The following KCNA3 variants were observed in gnomAD, a reference collection of about 807,000 sequenced individuals.
The protein encoded by KCNA3 is RP11-284N8.3.
In KCNA3, 18 loss-of-function variants were observed where a neutral mutation model predicts 34.3. The observed-to-expected ratio is 0.52, with a 90% CI of 0.36 to 0.78. KCNA3 has a LOEUF of 0.78. Among genes scored for constraint, KCNA3 ranks in the 30% least tolerant of loss-of-function variants. The pLI is 0.00. For missense variants in KCNA3, 587 were observed against 802.5 expected (o/e 0.73, Z 3.24); for synonymous variants, 324 against 351.7 (o/e 0.92, Z 0.88).
chr1:110,672,995 C>G lies in KCNA3; in HGVS notation c.*87G>C, dbSNP rs1651942227. The G allele has an allele frequency of 7.7e-7, 1 of 1,291,406 alleles. No individual in the cohort carries two copies. The highest frequency in any genetic ancestry group is 1.4e-5 in the South Asian group (1 of 70,552). 80.0% of individuals were successfully genotyped at this position (1,291,406 alleles called of 1,614,324 possible). Reference sequence around the variant, plus strand: ...TCAGGTCCTTTCCTTGATGAATGGTCTGGAAATGTATAAAACAAGGGCATA... The same window carrying G: ...TCAGGTCCTTTCCTTGATGAATGGTGTGGAAATGTATAAAACAAGGGCATA... On this transcript the variant is annotated 3_prime_UTR_variant, in exon 1 of 1. Coordinates refer to ENST00000369769, the MANE Select transcript of KCNA3 (RefSeq NM_002232.5).
the KCNA3 span, among the ~76,000 whole-genome samples, chr1:110,658,397 A>G: frequency 6.6e-6 from 1 of 152,200 alleles, no homozygotes; most frequent in Admixed American, 6.5e-5. Context: ...TTGTTCAGGT[A>G]TATTTTGAAA....
the KCNA3 span, among the ~76,000 whole-genome samples, chr1:110,665,998 G>A: frequency 6.6e-6 from 1 of 152,030 alleles, no homozygotes; most frequent in Non-Finnish European, 1.5e-5. Flanking sequence ...GTGAACAAAG[G>A]GAGAGATAGT....
At chr1:110,666,728 T>G in the KCNA3 span, among the ~76,000 whole-genome samples, 1 of 152,174 alleles carries the variant, frequency 6.6e-6, no homozygotes, top group Non-Finnish European at 1.5e-5. Context: ...GATGACAGTG[T>G]GGATTACAGT....
At position 110,674,485 on chromosome 1, in the gene KCNA3, T is replaced by G. The variant is rs1652007596; in HGVS notation, c.325A>C (p.Asn109His). The G allele has an allele frequency of 5.6e-6, 9 of 1,613,708 alleles. No homozygotes were observed. Among genetic ancestry groups the G allele is most frequent in the Non-Finnish European group, 7.6e-6 (9 of 1,179,900 alleles). Residue 109 changes from asparagine to histidine, a missense_variant, in exon 1 of 1, where the codon AAC (asparagine) becomes CAC (histidine). By Grantham distance (68) the Asn-to-His change is moderately conservative. Around this residue, in one of 7 missense-constraint regions of KCNA3, gnomAD observed 341 missense variants for 355.4 expected, o/e 0.96. Coordinates refer to ENST00000369769, the MANE Select transcript of KCNA3 (RefSeq NM_002232.5). This position sits in a 1 kb window ranked among gnomAD's most constrained non-coding sequence, Gnocchi z 6.4. Reference sequence around the variant, plus strand: ...GTCTCGAAGCGCAGCCCGGAGATGTTGATGACCACGCGCTCCCCGCAGCAG... The same window carrying G: ...GTCTCGAAGCGCAGCCCGGAGATGTGGATGACCACGCGCTCCCCGCAGCAG... ...QDCCGERVVI[N>H]ISGLRFETQL...
In KCNA3 at chr1:110,673,239, A is replaced by T. The variant is rs763013710; in HGVS notation, c.1571T>A (p.Leu524Gln). 3 of 1,614,134 alleles carry T rather than the reference A, an allele frequency of 1.9e-6. No homozygotes were observed. In the South Asian group the frequency reaches 3.3e-5, roughly 18 times the overall value. Residue 524 changes from leucine to glutamine, a missense_variant, in exon 1 of 1, where the codon CTG becomes CAG. Physicochemically the swap from Leu to Gln is moderately radical, Grantham distance 113 (BLOSUM62 -2). Around this residue, in one of 7 missense-constraint regions of KCNA3, gnomAD observed 95 missense variants for 107.3 expected, o/e 0.89. Coordinates refer to ENST00000369769, the MANE Select transcript of KCNA3 (RefSeq NM_002232.5). This position sits in a 1 kb window ranked among gnomAD's most constrained non-coding sequence, Gnocchi z 8.8. ...GATCACCATATACTCCGACTTACTC[A>T]GAGTCGAGTTACTCCTTGCTTTTCG... ...ELRKARSNST[L>Q]SKSEYMVIEE...
At chr1:110,665,434 C>A in the KCNA3 span, among the ~76,000 whole-genome samples, 1 of 152,116 alleles carries the variant, frequency 6.6e-6, no homozygotes, top group Non-Finnish European at 1.5e-5. Context: ...TTACTTTGAG[C>A]AACTGGAAAA....
downstream of KCNA3, among the ~76,000 whole-genome samples, chr1:110,671,661 T>A (rs1211738170): frequency 6.6e-6 from 1 of 152,124 alleles, no homozygotes; most frequent in African/African-American, 2.4e-5. Context: ...ATGACAGAGC[T>A]GTTGTGGGAT....
At chr1:110,670,760 C>A (rs544184642), downstream of KCNA3, among the ~76,000 whole-genome samples, 2 of 152,180 alleles carry the variant, frequency 1.3e-5, no homozygotes, top group East Asian at 3.9e-4. Flanking sequence ...AAATCTATGA[C>A]CAGGTATATT....
chr1:110,668,486 C>G (rs918361734), downstream of KCNA3, among the ~76,000 whole-genome samples: 1 of 151,912 alleles, frequency 6.6e-6, no homozygotes, highest in African/African-American at 2.4e-5. Flanking sequence ...TATTATACGC[C>G]AAAAAGGTAA....
At chr1:110,654,424 T>A in the KCNA3 span, 1 of 152,126 alleles carries the variant, frequency 6.6e-6, no homozygotes, top group African/African-American at 2.4e-5. Flanking sequence ...TGAATCAGAA[T>A]GGATGCAGTT....
the KCNA3 span, among the ~76,000 whole-genome samples, chr1:110,662,112 C>CAAAA: frequency 8.4e-4 from 52 of 61,634 alleles, 1 homozygote; most frequent in East Asian, 4.9e-3. Context: ...GACTCCGTCT[C>CAAAA]AAAAAAAAAA....
At chr1:110,669,592 A>G (rs1332322892), downstream of KCNA3, among the ~76,000 whole-genome samples, 1 of 152,208 alleles carries the variant, frequency 6.6e-6, no homozygotes, top group Non-Finnish European at 1.5e-5. Flanking sequence ...AGCCAAGTCT[A>G]AAAGCATAAG....
chr1:110,661,988 C>T, the KCNA3 span, among the ~76,000 whole-genome samples: 3 of 151,618 alleles, frequency 2.0e-5, no homozygotes. Context: ...TGGCGGGCGC[C>T]TGTAGTCACA....
At chr1:110,661,398 C>T in the KCNA3 span, among the ~76,000 whole-genome samples, 2 of 152,232 alleles carry the variant, frequency 1.3e-5, no homozygotes, top group East Asian at 1.9e-4. Flanking sequence ...AAAGTCTTAA[C>T]GCTGATTTTA....
At chr1:110,669,958 C>T (rs964492611), downstream of KCNA3, among the ~76,000 whole-genome samples, 39 of 151,948 alleles carry the variant, frequency 2.6e-4, no homozygotes, top group Non-Finnish European at 4.1e-4. Flanking sequence ...TCTCTGATGC[C>T]GTGTCATGGA....
At chr1:110,664,314 G>T in the KCNA3 span, among the ~76,000 whole-genome samples, 2 of 152,126 alleles carry the variant, frequency 1.3e-5, no homozygotes, top group Non-Finnish European at 2.9e-5. Context: ...CTAACTTCCA[G>T]GTATCCTTAG....
chr1:110,674,700 T>C lies in KCNA3; in HGVS notation c.110A>G (p.Asn37Ser), dbSNP rs753207729. Residue 37 changes from asparagine to serine, a missense_variant, in exon 1 of 1, where the codon AAC (asparagine) becomes AGC (serine). Asn to Ser is a conservative substitution (Grantham distance 46). Around this residue, in one of 7 missense-constraint regions of KCNA3, gnomAD observed 341 missense variants for 355.4 expected, o/e 0.96. Coordinates refer to ENST00000369769, the MANE Select transcript of KCNA3 (RefSeq NM_002232.5). This position sits in a 1 kb window ranked among gnomAD's most constrained non-coding sequence, Gnocchi z 6.4. ...ASSGGAHTLV[N>S]HGYAEPAAGR... is the part of the protein sequence containing the mutation. ...TGCGGCGGGCTCCGCGTAGCCGTGG[T>C]TCACCAGCGTGTGGGCACCGCCGCT... The C allele has an allele frequency of 6.7e-7, 1 of 1,491,630 alleles. No individual in the cohort carries two copies. The highest frequency in any genetic ancestry group is 8.8e-7 in the Non-Finnish European group (1 of 1,130,960). The allele number at this position is 1,491,630 out of a possible 1,614,324, so 92.4% of individuals were successfully genotyped here. A position where few individuals can be genotyped will look rare whatever the true frequency, so the allele number is the denominator to read the frequency against.
chr1:110,658,593 T>C, the KCNA3 span, among the ~76,000 whole-genome samples: 1 of 152,120 alleles, frequency 6.6e-6, no homozygotes, highest in Non-Finnish European at 1.5e-5. Flanking sequence ...AAATCTCTTT[T>C]CCAACTAAAA....
At chr1:110,666,202 A>G in the KCNA3 span, among the ~76,000 whole-genome samples, 3 of 152,224 alleles carry the variant, frequency 2.0e-5, no homozygotes, top group Non-Finnish European at 2.9e-5. Flanking sequence ...TGTAAAAAAT[A>G]GCACATAAGT....
Sources: gnomAD v4.1 joint callset for allele counts (sites outside exome capture counted in the v4.1 genomes callset) on GRCh38, gnomAD v4.1.1 for gene constraint, gnomAD v4.1.1 regional missense constraint, Gnocchi (gnomAD v3.1) non-coding constraint, MANE v1.5 for transcripts, NCBI Gene and HGNC (gene_info 2026-07-23, HGNC 2026-07-21) for gene names.